The following TMLHE variants were observed in gnomAD, a reference collection of about 807,000 sequenced individuals.
TMLHE encodes the protein trimethyllysine dioxygenase, mitochondrial.
Under a neutral mutation model 25.7 loss-of-function variants are expected in TMLHE, and 18 were observed. That is an observed-to-expected ratio of 0.70 (90% CI 0.48 to 1.04). The LOEUF is 1.04. Among genes scored for constraint, TMLHE ranks in the 50% least tolerant of loss-of-function variants. The pLI is 0.00. For synonymous variants in TMLHE, 105 were observed against 97.0 expected (o/e 1.08, Z -0.49); for missense variants, 236 against 259.0 (o/e 0.91, Z 0.61).
At position 155,603,369 on chromosome X, in the gene TMLHE, TGAAAGAAAGAAA is replaced by T. The variant is rs202078084; in HGVS notation, c.-2+9411_-2+9422del. Among the ~76,000 whole-genome samples the T allele has an allele frequency of 1.6e-3, 156 of 99,306 alleles. 2 individuals carry two copies. The highest frequency in any genetic ancestry group is 5.0e-3 in the East Asian group (16 of 3,214). 86.2% of individuals were successfully genotyped at this position (99,306 alleles called of 115,157 possible). A position where few individuals can be genotyped will look rare whatever the true frequency, so the allele number is the denominator to read the frequency against. ...AGAAAGAAGAAAAGAAAAGAAAGAA[TGAAAGAAAGAAA>T]GAAAGAAAGAAAGAAAGAAAGAAAG... On this transcript the variant is annotated intron_variant, in intron 1 of 7. Transcript: ENST00000334398.
chrX:155,586,491 A>C (rs1301854452), intron 1 of TMLHE, among the ~76,000 whole-genome samples: 1 of 111,651 alleles, frequency 9.0e-6, no homozygotes, highest in East Asian at 2.8e-4. Context: ...AAAACCCAAA[A>C]TTAGCAGAAA....
chrX:155,574,441 A>G (rs1281313075), intron 1 of TMLHE, among the ~76,000 whole-genome samples: 1 of 112,119 alleles, frequency 8.9e-6, no homozygotes, highest in African/African-American at 3.2e-5. Context: ...AAGGGTAGAA[A>G]CTTAGCCTTA....
chrX:155,549,609 T>C (rs1395498308), intron 1 of TMLHE, among the ~76,000 whole-genome samples: 2 of 110,600 alleles, frequency 1.8e-5, no homozygotes, highest in African/African-American at 6.7e-5. Flanking sequence ...TTATACATTG[T>C]TGGATTCAAT....
intron 4 of TMLHE, among the ~76,000 whole-genome samples, chrX:155,512,623 G>A (rs1365163615): frequency 9.0e-6 from 1 of 111,012 alleles, no homozygotes; most frequent in Non-Finnish European, 1.9e-5. Context: ...TTTTATAGCT[G>A]TTGTCTTTTA....
At chrX:155,507,404 T>C (rs1214372294) in intron 5 of TMLHE, among the ~76,000 whole-genome samples, 1 of 109,229 alleles carries the variant, frequency 9.2e-6, no homozygotes, top group Non-Finnish European at 1.9e-5. Context: ...GCATGAATAA[T>C]ATATAACCTA....
chrX:155,543,049 A>G (rs1358076235), intron 2 of TMLHE, among the ~76,000 whole-genome samples: 1 of 110,935 alleles, frequency 9.0e-6, no homozygotes, highest in Non-Finnish European at 1.9e-5. Context: ...GATATCAGGT[A>G]GTATGATGCC....
At position 155,589,273 on chromosome X, in the gene TMLHE, C is replaced by T. The variant is rs141899887; in HGVS notation, c.-2+23519G>A. On this transcript the variant is annotated intron_variant, in intron 1 of 7. Transcript: ENST00000334398. ...GACCTGCCTGGCCAACATGGAGAAACCCTGTCTCTACTAAAAATACAAAAA... is the reference window on the plus strand; with the variant it reads ...GACCTGCCTGGCCAACATGGAGAAATCCTGTCTCTACTAAAAATACAAAAA... Among the ~76,000 whole-genome samples the T allele has an allele frequency of 8.6e-3, 951 of 110,894 alleles. 15 individuals carry two copies. The highest frequency in any genetic ancestry group is 0.012 in the Non-Finnish European group (623 of 52,870).
intron 6 of TMLHE, among the ~76,000 whole-genome samples, chrX:155,506,582 A>G (rs1261676520): frequency 9.0e-6 from 1 of 111,578 alleles, no homozygotes; most frequent in African/African-American, 3.2e-5. Flanking sequence ...GGATACATAA[A>G]TGTTGTTGGG....
At chrX:155,545,905 C>A (rs782100613) in intron 1 of TMLHE, among the ~76,000 whole-genome samples, 1 of 110,792 alleles carries the variant, frequency 9.0e-6, no homozygotes, top group African/African-American at 3.3e-5. Flanking sequence ...CTGAATGAGG[C>A]ATTTCTCAGA....
At chrX:155,551,792 G>T (rs1176740512) in intron 1 of TMLHE, among the ~76,000 whole-genome samples, 1 of 109,824 alleles carries the variant, frequency 9.1e-6, no homozygotes, top group African/African-American at 3.4e-5. Context: ...ATTGACTATT[G>T]TCCTCCCTCC....
intron 2 of TMLHE, among the ~76,000 whole-genome samples, chrX:155,544,890 A>T (rs1242548474): frequency 1.8e-5 from 2 of 111,739 alleles, no homozygotes; most frequent in Non-Finnish European, 3.8e-5. Flanking sequence ...TGTCAACTCC[A>T]CAAAAAGTAT....
At chrX:155,579,895 C>T in intron 1 of TMLHE, among the ~76,000 whole-genome samples, 1 of 110,082 alleles carries the variant, frequency 9.1e-6, no homozygotes, top group Non-Finnish European at 1.9e-5. Flanking sequence ...CCCAGGGAAA[C>T]TGCTGGATAT....
chrX:155,605,310 C>T (rs1453656444), intron 1 of TMLHE, among the ~76,000 whole-genome samples: 1 of 111,572 alleles, frequency 9.0e-6, no homozygotes, highest in African/African-American at 3.3e-5. Flanking sequence ...TCAGGAAATT[C>T]AGAGAACCTC....
intron 1 of TMLHE, among the ~76,000 whole-genome samples, chrX:155,548,300 G>C (rs2067369556): frequency 8.9e-6 from 1 of 111,986 alleles, no homozygotes; most frequent in Non-Finnish European, 1.9e-5. Context: ...CCAACAAAGT[G>C]AAGGGACAAC....
At chrX:155,522,419 A>C (rs2067193602) in intron 3 of TMLHE, among the ~76,000 whole-genome samples, 1 of 111,949 alleles carries the variant, frequency 8.9e-6, no homozygotes, top group Admixed American at 9.4e-5. Context: ...TTAACCAGTT[A>C]AACATATATT....
intron 2 of TMLHE, among the ~76,000 whole-genome samples, chrX:155,534,497 G>A (rs781855596): frequency 6.3e-5 from 7 of 111,860 alleles, no homozygotes; most frequent in Non-Finnish European, 1.1e-4. Flanking sequence ...GCCTTCCAAA[G>A]TGCTGGTATT....
intron 1 of TMLHE, among the ~76,000 whole-genome samples, chrX:155,598,046 T>C (rs962186118): frequency 4.5e-5 from 5 of 111,940 alleles, no homozygotes; most frequent in African/African-American, 1.3e-4. Flanking sequence ...ATGAAGTAGA[T>C]TGCACATATG....
At chrX:155,574,760 G>T (rs1202866448) in intron 1 of TMLHE, among the ~76,000 whole-genome samples, 4 of 111,316 alleles carry the variant, frequency 3.6e-5, no homozygotes, top group Non-Finnish European at 7.5e-5. Context: ...CAAAGAGACA[G>T]AAATTATAAA....
rs782572039 is a variant in TMLHE, at chrX:155,601,054, T to C, written c.-2+11738A>G. ...GCCAGAAGGCAGTGGAATAGCAAAA[T>C]GCTGAAAGAAAAATACCCAAAATTT... On this transcript the variant is annotated intron_variant, in intron 1 of 7. Transcript: ENST00000334398. 5.4e-5 allele frequency among the ~76,000 whole-genome samples: 6 copies of C among 111,870 alleles called. No homozygotes were observed. In the South Asian group the frequency reaches 2.2e-3, roughly 42 times the overall value.
Sources: gnomAD v4.1 joint callset for allele counts (sites outside exome capture counted in the v4.1 genomes callset) on GRCh38, gnomAD v4.1.1 for gene constraint, MANE v1.5 for transcripts, NCBI Gene and HGNC (gene_info 2026-07-23, HGNC 2026-07-21) for gene names.